The following HERC3 variants were observed in gnomAD, a reference collection of about 807,000 sequenced individuals.
HERC3 encodes probable E3 ubiquitin-protein ligase HERC3.
Under a neutral mutation model 129.9 loss-of-function variants are expected in HERC3, and 58 were observed. The ratio of observed to expected loss-of-function variants is 0.45; its 90% CI spans 0.36 to 0.56. The LOEUF (loss-of-function observed/expected upper bound fraction) is 0.56, where lower values mean the gene tolerates loss of function less well. Ranked by LOEUF, HERC3 falls within the 20% of genes least tolerant of loss-of-function variation. The pLI is 0.00. For missense variants in HERC3, 835 were observed against 1,244.2 expected, an observed-to-expected ratio of 0.67 and a Z score of 4.95; for synonymous variants, 430 against 451.0, an observed-to-expected ratio of 0.95 and a Z score of 0.59.
the HERC3 span, among the ~76,000 whole-genome samples, chr4:88,524,337 A>T: frequency 6.6e-6 from 1 of 152,262 alleles, no homozygotes; most frequent in African/African-American, 2.4e-5. Flanking sequence ...AATAAAGCAC[A>T]GCTAATTTAC....
chr4:88,665,811 T>C (rs1730985567), intron 12 of HERC3, among the ~76,000 whole-genome samples: 3 of 152,202 alleles, frequency 2.0e-5, no homozygotes, highest in Admixed American at 2.0e-4. Context: ...TGGGATGAGC[T>C]CACACAATTC....
chr4:88,605,415 T>C (rs891264515), intron 2 of HERC3, among the ~76,000 whole-genome samples: 1 of 152,214 alleles, frequency 6.6e-6, no homozygotes, highest in African/African-American at 2.4e-5. Flanking sequence ...GAATGATGCA[T>C]TGAGAAAGGA....
chr4:88,604,933 CGAGAGAT>C lies in HERC3; in HGVS notation c.-29-857_-29-851del, dbSNP rs1402239275. Among the ~76,000 whole-genome samples, 26 of 151,996 alleles carry C rather than the reference CGAGAGAT, an allele frequency of 1.7e-4. No individual in the cohort carries two copies. The East Asian group carries it at 4.6e-3, about 27-fold the overall frequency. Reference sequence around the variant, plus strand: ...CCATCATTGTGGTGTGAATTGGTAGCGAGAGATGAGATTTTTTTTTGTTTGTATGAAA... The same window carrying C: ...CCATCATTGTGGTGTGAATTGGTAGCGAGATTTTTTTTTGTTTGTATGAAA... On this transcript the variant is annotated intron_variant, in intron 2 of 25. Transcript: ENST00000402738.
chr4:88,655,494 G>A (rs1384678623), intron 8 of HERC3, among the ~76,000 whole-genome samples, 190 bp downstream of exon 8: 1 of 152,196 alleles, frequency 6.6e-6, no homozygotes, highest in Admixed American at 6.5e-5. Flanking sequence ...GATAAGCAGA[G>A]CAACACGGAG....
Position 88,670,037 on chromosome 4 carries a change from G to T in HERC3, c.1797+14G>T. 6.2e-7 allele frequency: 1 copy of T among 1,611,968 alleles called. No homozygotes were observed. Among genetic ancestry groups the T allele is most frequent in the East Asian group, 2.2e-5 (1 of 44,818 alleles). On this transcript the variant is annotated intron_variant, in intron 15 of 25. Transcript: ENST00000402738. ...AAGTTATATAAGGTGAGCATAGGAG[G>T]TGCTAGTGGGGAGGGGGTGATTAGA...
At chr4:88,536,690 C>A in the HERC3 span, among the ~76,000 whole-genome samples, 1 of 151,908 alleles carries the variant, frequency 6.6e-6, no homozygotes, top group Non-Finnish European at 1.5e-5. Flanking sequence ...CTTAACTTGC[C>A]AATAGAAAAA....
intron 3 of HERC3, among the ~76,000 whole-genome samples, chr4:88,629,890 A>G (rs200017110): frequency 1.3e-5 from 2 of 152,330 alleles, no homozygotes; most frequent in East Asian, 3.9e-4. Flanking sequence ...GTGATTTTAC[A>G]GTTAAACTAT....
chr4:88,629,266 T>A (rs1726475974), intron 3 of HERC3, among the ~76,000 whole-genome samples: 1 of 152,186 alleles, frequency 6.6e-6, no homozygotes, highest in African/African-American at 2.4e-5. Flanking sequence ...GCAAATAAAT[T>A]CTCTTTAATT....
chr4:88,670,195 C>T lies in HERC3; in HGVS notation c.1854C>T (p.Ser618=), dbSNP rs2149301274. The change falls in exon 16 of 26, where the codon TCC becomes TCT. Residue 618 remains serine (S), a synonymous_variant. Transcript: ENST00000402738. ...EYDTFYIPEI[S]NLVDIQEDYL... Reference sequence around the variant, plus strand: ...ATACATTTTACATTCCTGAGATTTCCAATCTCGTGGACATTCAGGAAGACT... The same window carrying T: ...ATACATTTTACATTCCTGAGATTTCTAATCTCGTGGACATTCAGGAAGACT... The T allele has an allele frequency of 6.2e-7, 1 of 1,613,512 alleles. No homozygotes were observed. Among genetic ancestry groups the T allele is most frequent in the Non-Finnish European group, 8.5e-7 (1 of 1,179,576 alleles).
chr4:88,546,601 C>T, the HERC3 span, among the ~76,000 whole-genome samples: 1 of 151,904 alleles, frequency 6.6e-6, no homozygotes, highest in Admixed American at 6.6e-5. Context: ...CCTCGACCTC[C>T]TGGGTTTAAC....
At chr4:88,658,130 C>T in intron 9 of HERC3, 1 of 236,180 alleles carries the variant, frequency 4.2e-6, no homozygotes, top group Non-Finnish European at 8.1e-6. Flanking sequence ...AGGTCAGTGG[C>T]ATGACAGAGT....
intron 3 of HERC3, among the ~76,000 whole-genome samples, chr4:88,647,802 C>T (rs1162968869): frequency 6.9e-6 from 1 of 145,192 alleles, no homozygotes; most frequent in Non-Finnish European, 1.5e-5. Context: ...CATTTCAACT[C>T]TTTAGCTTTT....
the HERC3 span, among the ~76,000 whole-genome samples, chr4:88,567,342 G>C: frequency 4.6e-5 from 7 of 152,086 alleles, no homozygotes; most frequent in Admixed American, 1.3e-4. Context: ...GGTTTGGAAG[G>C]TTCTCCGTTA....
At chr4:88,617,648 G>T (rs1273989452) in intron 3 of HERC3, among the ~76,000 whole-genome samples, 1 of 152,124 alleles carries the variant, frequency 6.6e-6, no homozygotes, top group Non-Finnish European at 1.5e-5. Context: ...GAGGCAGGTG[G>T]ATCATGAGGT....
At chr4:88,680,273 AATTAAACTTTCT>A in intron 20 of HERC3, 37 bp downstream of exon 20, 1 of 1,514,030 alleles carries the variant, frequency 6.6e-7, no homozygotes, top group Non-Finnish European at 8.9e-7. Context: ...AGATGGATTA[AATTAAACTTTCT>A]TTTTGTTGTC....
chr4:88,697,767 GCCGCAGAGGTCTAGGAGGGCTC>G (rs143993487), intron 23 of HERC3: 1 of 1,597,950 alleles, frequency 6.3e-7, no homozygotes, highest in African/African-American at 1.3e-5. Context: ...TAGAGGAGAA[GCCGCAGAGGTCTAGGAGGGCTC>G]CCGCAGAGGC....
chr4:88,567,686 A>G, the HERC3 span, among the ~76,000 whole-genome samples: 7 of 152,142 alleles, frequency 4.6e-5, no homozygotes, highest in African/African-American at 1.7e-4. Flanking sequence ...AGGATTCTTA[A>G]TTCTTCCTCT....
chr4:88,571,644 A>C, the HERC3 span, among the ~76,000 whole-genome samples: 5 of 152,288 alleles, frequency 3.3e-5, no homozygotes, highest in Non-Finnish European at 5.9e-5. Flanking sequence ...ATTATTCCTG[A>C]TAGGCCTTTG....
At chr4:88,631,401 G>A (rs1726739173) in intron 3 of HERC3, among the ~76,000 whole-genome samples, 1 of 152,184 alleles carries the variant, frequency 6.6e-6, no homozygotes, top group African/African-American at 2.4e-5. Context: ...GTTACAGTGA[G>A]CTGAGATTGT....
Sources: allele counts gnomAD v4.1 joint callset (sites outside exome capture counted in the v4.1 genomes callset), GRCh38; gene constraint gnomAD v4.1.1; transcripts MANE v1.5; gene names NCBI Gene and HGNC (gene_info 2026-07-23, HGNC 2026-07-21).